NELL1: variants seen among roughly 807,000 people sequenced by gnomAD.
NELL1 encodes the protein protein kinase C-binding protein NELL1.
NELL1 carries 76 observed loss-of-function variants against 107.4 expected under a neutral mutation model. That is an observed-to-expected ratio of 0.71 (90% CI 0.59 to 0.86). The LOEUF (loss-of-function observed/expected upper bound fraction) is 0.86, where lower values mean the gene tolerates loss of function less well. Ranked by LOEUF, NELL1 falls within the 40% of genes least tolerant of loss-of-function variation. The pLI, the probability that NELL1 is intolerant of heterozygous loss-of-function variation, is 0.00. For synonymous variants in NELL1, 353 were observed against 341.2 expected, an observed-to-expected ratio of 1.03 and a Z score of -0.38; for missense variants, 1,024 against 1,005.5, an observed-to-expected ratio of 1.02 and a Z score of -0.25.
At chr11:20,697,404 T>G in intron 2 of NELL1, among the ~76,000 whole-genome samples, 1 of 127,410 alleles carries the variant, frequency 7.8e-6, no homozygotes, top group Non-Finnish European at 1.7e-5. Flanking sequence ...GCTTTTTTTT[T>G]TTTTTTTCCT....
At chr11:20,957,644 AT>A (rs1851203928) in intron 11 of NELL1, among the ~76,000 whole-genome samples, 2 of 152,160 alleles carry the variant, frequency 1.3e-5, no homozygotes, top group African/African-American at 4.8e-5. Context: ...GTTTAAAGAC[AT>A]TTTTTAAAAA....
At chr11:21,449,599 G>T (rs184316288) in intron 15 of NELL1, among the ~76,000 whole-genome samples, 2 of 152,128 alleles carry the variant, frequency 1.3e-5, no homozygotes, top group African/African-American at 2.4e-5. Context: ...TTATGTTTTT[G>T]TGTTGTATCT....
In NELL1 at chr11:20,894,985, C is replaced by CTT. The variant is rs1849693953; in HGVS notation, c.603+9445_603+9446insTT. ...CTGCTATCAAACATTGAAATTATTC[C>CTT]CTCTGGCCGGGCGCGGTGGCTCACG... On this transcript the variant is annotated intron_variant, in intron 5 of 19. Coordinates refer to ENST00000357134, the MANE Select transcript of NELL1 (RefSeq NM_006157.5). Among the ~76,000 whole-genome samples the CTT allele has an allele frequency of 1.5e-4, 22 of 150,688 alleles. 1 individual carries two copies. Among genetic ancestry groups the CTT allele is most frequent in the African/African-American group, 4.9e-4 (20 of 40,488 alleles).
intron 15 of NELL1, among the ~76,000 whole-genome samples, chr11:21,531,794 C>G (rs1370272618): frequency 6.6e-6 from 1 of 152,122 alleles, no homozygotes; most frequent in Non-Finnish European, 1.5e-5. Flanking sequence ...AGAAACAAAT[C>G]TTTGCCTCTG....
At chr11:21,550,274 C>T (rs1591027745) in intron 16 of NELL1, among the ~76,000 whole-genome samples, 2 of 151,942 alleles carry the variant, frequency 1.3e-5, no homozygotes, top group African/African-American at 4.8e-5. Context: ...CAAAAATTTT[C>T]TCCCATTTTG....
At chr11:20,996,163 T>C (rs2134265462) in intron 12 of NELL1, among the ~76,000 whole-genome samples, 1 of 152,334 alleles carries the variant, frequency 6.6e-6, no homozygotes, top group African/African-American at 2.4e-5. Flanking sequence ...TGGATCTCAC[T>C]TAACTTAAAA....
intron 12 of NELL1, among the ~76,000 whole-genome samples, chr11:21,111,493 TG>T (rs1380639806): frequency 2.0e-5 from 3 of 152,084 alleles, no homozygotes; most frequent in Admixed American, 6.6e-5. Flanking sequence ...GAAGGCATGG[TG>T]GCTTAAGTCA....
At chr11:21,310,135 TA>T (rs1849719399) in intron 14 of NELL1, among the ~76,000 whole-genome samples, 1 of 152,092 alleles carries the variant, frequency 6.6e-6, no homozygotes, top group Non-Finnish European at 1.5e-5. Flanking sequence ...AAATAATAGA[TA>T]AGAAGAATGA....
intron 12 of NELL1, among the ~76,000 whole-genome samples, chr11:21,077,923 T>A (rs1264379360): frequency 1.3e-5 from 2 of 152,034 alleles, no homozygotes; most frequent in African/African-American, 4.8e-5. Flanking sequence ...ACAGCAGTGT[T>A]TCTCAAATGA....
chr11:20,863,342 C>T lies in NELL1; in HGVS notation c.506+15589C>T, dbSNP rs574957695. Among the ~76,000 whole-genome samples the T allele has an allele frequency of 1.0e-4, 6 of 58,770 alleles. 1 individual carries two copies. Among genetic ancestry groups the T allele is most frequent in the South Asian group, 1.2e-3 (2 of 1,692 alleles). 38.6% of individuals were successfully genotyped at this position (58,770 alleles called of 152,430 possible). On this transcript the variant is annotated intron_variant, in intron 4 of 19. Transcript: ENST00000357134. ...GGCTGTTCTCCACCTCCCTCCCGGA[C>T]GGGGCGGCTGGCCGGGCGGGGGCTG...
At chr11:20,981,660 G>C (rs929314270) in intron 12 of NELL1, among the ~76,000 whole-genome samples, 3 of 152,078 alleles carry the variant, frequency 2.0e-5, no homozygotes. Context: ...ATTTGCCTTG[G>C]CCCTATTTCT....
intron 3 of NELL1, among the ~76,000 whole-genome samples, chr11:20,835,625 A>C (rs552818033): frequency 1.9e-4 from 29 of 152,328 alleles, no homozygotes; most frequent in African/African-American, 6.7e-4. Flanking sequence ...AAGAGGTGGG[A>C]CAAAATAGTA....
At chr11:21,298,860 C>A (rs139687417) in intron 14 of NELL1, among the ~76,000 whole-genome samples, 1 of 152,102 alleles carries the variant, frequency 6.6e-6, no homozygotes, top group Non-Finnish European at 1.5e-5. Flanking sequence ...CTTTCCTCAT[C>A]TTTTCCCAAG....
intron 7 of NELL1, among the ~76,000 whole-genome samples, chr11:20,922,576 A>G (rs2134165245): frequency 6.6e-6 from 1 of 152,160 alleles, no homozygotes; most frequent in Admixed American, 6.5e-5. Flanking sequence ...ATCTGGGCCC[A>G]GTCTTTATTT....
intron 14 of NELL1, among the ~76,000 whole-genome samples, chr11:21,319,110 T>A (rs1051065498): frequency 1.3e-5 from 2 of 150,844 alleles, no homozygotes; most frequent in Non-Finnish European, 2.9e-5. Context: ...GTTTAACTAC[T>A]AAGAGTGACA....
chr11:21,159,378 A>G (rs1377845919), intron 13 of NELL1, among the ~76,000 whole-genome samples: 4 of 152,186 alleles, frequency 2.6e-5, no homozygotes, highest in Non-Finnish European at 5.9e-5. Context: ...TGATATAGGT[A>G]TGATAGGAGG....
At chr11:21,443,951 C>T (rs1020264573) in intron 15 of NELL1, among the ~76,000 whole-genome samples, 28 of 151,624 alleles carry the variant, frequency 1.8e-4, no homozygotes, top group Non-Finnish European at 3.7e-4. Flanking sequence ...GATACTATTA[C>T]ATTATAAGAA....
intron 13 of NELL1, among the ~76,000 whole-genome samples, chr11:21,229,094 G>A (rs1476129896): frequency 6.6e-6 from 1 of 152,054 alleles, no homozygotes; most frequent in Non-Finnish European, 1.5e-5. Flanking sequence ...CTTACCAATT[G>A]TGTGACGGAC....
intron 12 of NELL1, among the ~76,000 whole-genome samples, chr11:21,054,645 C>T (rs1225728658): frequency 1.3e-5 from 2 of 151,926 alleles, no homozygotes; most frequent in African/African-American, 4.8e-5. Context: ...GGTAAACAAG[C>T]GAGAGCCCAT....
Sources: allele counts gnomAD v4.1 joint callset (sites outside exome capture counted in the v4.1 genomes callset), GRCh38; gene constraint gnomAD v4.1.1; transcripts MANE v1.5; gene names NCBI Gene and HGNC (gene_info 2026-07-23, HGNC 2026-07-21).